KDM1B: variants seen among roughly 807,000 people sequenced by gnomAD.
KDM1B encodes lysine demethylase 1B, also known as lysine-specific histone demethylase 2.
In KDM1B, 63 loss-of-function variants were observed where a neutral mutation model predicts 107.4. The observed-to-expected ratio is 0.59, with a 90% CI of 0.48 to 0.72. KDM1B has a LOEUF of 0.72. Among genes scored for constraint, KDM1B ranks in the 30% least tolerant of loss-of-function variants. The probability of loss-of-function intolerance (pLI) is 0.00; values close to 1 mark genes in which losing one functional copy is unlikely to be tolerated. For missense variants in KDM1B, 749 were observed against 1,020.8 expected (o/e 0.73, Z 3.63); for synonymous variants, 363 against 363.9 (o/e 1.00, Z 0.03).
intron 7 of KDM1B, among the ~76,000 whole-genome samples, chr6:18,184,059 G>C (rs1049205277): frequency 1.3e-5 from 2 of 151,960 alleles, no homozygotes; most frequent in African/African-American, 4.8e-5. Context: ...TTTTCGCCAA[G>C]TACTCATTTA....
intron 6 of KDM1B, among the ~76,000 whole-genome samples, chr6:18,170,232 A>G (rs1031751719): frequency 4.6e-5 from 7 of 152,152 alleles, no homozygotes; most frequent in African/African-American, 9.7e-5. Flanking sequence ...TGAGTTGCTA[A>G]GATAGTACAG....
At chr6:18,187,168 A>AT (rs890251856) in intron 8 of KDM1B, among the ~76,000 whole-genome samples, 6 of 152,266 alleles carry the variant, frequency 3.9e-5, no homozygotes, top group African/African-American at 1.4e-4. Context: ...GAAGGCTCTG[A>AT]TTTGATGACT....
Position 18,197,800 on chromosome 6 carries a change from G to C in KDM1B, c.1221+139G>C. On this transcript the variant is annotated intron_variant, in intron 12 of 21. Transcript: ENST00000650836. The surrounding 1 kb of genome is among the most constrained non-coding windows in gnomAD (Gnocchi z 4.5). ...TATGTTTATATTAGGTCCTAGAAAA[G>C]TTATAAAACTTGAAATTGATTTCAT... 1 of 524,514 alleles carries C rather than the reference G, an allele frequency of 1.9e-6. No individual in the cohort carries two copies. The highest frequency in any genetic ancestry group is 3.4e-5 in the East Asian group (1 of 29,242). 32.5% of individuals were successfully genotyped at this position (524,514 alleles called of 1,614,324 possible). A position where few individuals can be genotyped will look rare whatever the true frequency, so the allele number is the denominator to read the frequency against.
rs201536368 is a variant in KDM1B at position 18,217,730 on chromosome 6, T to C, written c.2233-3T>C. 3.7e-6 allele frequency: 6 copies of C among 1,610,930 alleles called. No homozygotes were observed. The highest frequency in any genetic ancestry group is 3.3e-5 in the South Asian group (3 of 90,920). On this transcript the variant is annotated splice_polypyrimidine_tract_variant and splice_region_variant and intron_variant, in intron 20 of 21. Coordinates refer to ENST00000650836, the MANE Select transcript of KDM1B (RefSeq NM_001364614.2). Reference sequence around the variant, plus strand: ...CTTCATAATTCCTTTCTATTGGACATAGGAGGTCCCAGATCCCACAAAGTA... The same window carrying C: ...CTTCATAATTCCTTTCTATTGGACACAGGAGGTCCCAGATCCCACAAAGTA...
Position 18,212,681 on chromosome 6 carries a change from G to C in KDM1B, c.1983+77G>C. 1.1e-6 allele frequency: 1 copy of C among 900,218 alleles called. No individual in the cohort carries two copies. The highest frequency in any genetic ancestry group is 1.9e-6 in the Non-Finnish European group (1 of 531,714). 55.8% of individuals were successfully genotyped at this position (900,218 alleles called of 1,614,324 possible). ...AGATGTTAACTTCTGATATGGAGAA[G>C]TAGTGGGTACTATCTAAATACAAAT... is the stretch of plus-strand genomic sequence containing the variant. On this transcript the variant is annotated intron_variant, in intron 18 of 21. Coordinates refer to ENST00000650836, the MANE Select transcript of KDM1B (RefSeq NM_001364614.2). This position sits in a 1 kb window ranked among gnomAD's most constrained non-coding sequence, Gnocchi z 5.2.
At chr6:18,196,976 T>G in intron 10 of KDM1B, 81 bp from the exon 11 acceptor site, 2 of 1,296,034 alleles carry the variant, frequency 1.5e-6, no homozygotes, top group Non-Finnish European at 2.2e-6. Flanking sequence ...ACTTGTCTTT[T>G]AAATGGATTG....
rs1278507581 is a variant in KDM1B, at chr6:18,213,461, A to T, written c.1984-195A>T. 6.6e-6 allele frequency among the ~76,000 whole-genome samples: 1 copy of T among 151,906 alleles called. No individual in the cohort carries two copies. Among genetic ancestry groups the T allele is most frequent in the Non-Finnish European group, 1.5e-5 (1 of 67,926 alleles). ...CAAAAAAAAAAAAAACCCAAAAAAC[A>T]AAACAAAACAAAAAACAACCAAGGA... On this transcript the variant is annotated intron_variant, in intron 18 of 21. Transcript: ENST00000650836. The surrounding 1 kb of genome is among the most constrained non-coding windows in gnomAD (Gnocchi z 5.9).
chr6:18,164,117 A>G (rs1324210187), intron 5 of KDM1B, among the ~76,000 whole-genome samples: 1 of 151,974 alleles, frequency 6.6e-6, no homozygotes, highest in Non-Finnish European at 1.5e-5. Context: ...TCAGTTCTAT[A>G]TATTTTTACC....
intron 2 of KDM1B, among the ~76,000 whole-genome samples, chr6:18,157,660 TTA>T (rs1408823080): frequency 6.6e-6 from 1 of 151,326 alleles, no homozygotes; most frequent in Non-Finnish European, 1.5e-5. Flanking sequence ...CAGGTATATT[TTA>T]TATATAAATG....
At chr6:18,176,752 C>A (rs780741088) in intron 7 of KDM1B, among the ~76,000 whole-genome samples, 18 of 152,070 alleles carry the variant, frequency 1.2e-4, no homozygotes, top group Non-Finnish European at 2.2e-4. Flanking sequence ...TGTGGTATAT[C>A]ACATTTATTG....
intron 21 of KDM1B, 115 bp downstream of exon 21, chr6:18,218,000 C>T (rs1301149005): frequency 3.6e-6 from 4 of 1,108,332 alleles, no homozygotes; most frequent in African/African-American, 1.6e-5. Context: ...AGTCTTATGA[C>T]CACAGACAGC....
chr6:18,210,918 T>C (rs950097678), intron 17 of KDM1B, among the ~76,000 whole-genome samples: 2 of 152,150 alleles, frequency 1.3e-5, no homozygotes, highest in Non-Finnish European at 2.9e-5. Context: ...GAGGATCACT[T>C]GAGCACAGGA....
rs1348866180 is a variant in KDM1B at position 18,159,009 on chromosome 6, C to A, written c.-13-874C>A. Among the ~76,000 whole-genome samples, 5 of 152,106 alleles carry A rather than the reference C, an allele frequency of 3.3e-5. No homozygotes were observed. The highest frequency in any genetic ancestry group is 6.5e-5 in the Admixed American group (1 of 15,268). On this transcript the variant is annotated intron_variant, in intron 2 of 21. Transcript: ENST00000650836. The surrounding 1 kb of genome is among the most constrained non-coding windows in gnomAD (Gnocchi z 4.5). Reference sequence around the variant, plus strand: ...TTGAGATGGAGTCTTGCTCTGTTGCCCAGGCTGGAGTGCAGTAGCACAATC... The same window carrying A: ...TTGAGATGGAGTCTTGCTCTGTTGCACAGGCTGGAGTGCAGTAGCACAATC...
In KDM1B at chr6:18,222,046, CAT is replaced by C. The variant is rs762589719; in HGVS notation, c.*55_*56del. 6.8e-5 allele frequency: 100 copies of C among 1,474,044 alleles called. No homozygotes were observed. The highest frequency in any genetic ancestry group is 9.0e-5 in the Non-Finnish European group (95 of 1,052,462). 91.3% of individuals were successfully genotyped at this position (1,474,044 alleles called of 1,614,324 possible). A position where few individuals can be genotyped will look rare whatever the true frequency, so the allele number is the denominator to read the frequency against. Reference sequence around the variant, plus strand: ...ACCCCAGATGGGGAAATTTGAATCACATGTTAAACCTCAGTTTTATAAGAGGG... The same window carrying C: ...ACCCCAGATGGGGAAATTTGAATCACGTTAAACCTCAGTTTTATAAGAGGG... On this transcript the variant is annotated 3_prime_UTR_variant, in exon 22 of 22. Transcript: ENST00000650836.
At position 18,200,256 on chromosome 6, in the gene KDM1B, T is replaced by C. The variant is rs1787948190; in HGVS notation, c.1222-183T>C. 6.6e-6 allele frequency among the ~76,000 whole-genome samples: 1 copy of C among 152,240 alleles called. No individual in the cohort carries two copies. Among genetic ancestry groups the C allele is most frequent in the Non-Finnish European group, 1.5e-5 (1 of 68,046 alleles). ...TTTCCTCGCTAGAGTCTAGATGGAT[T>C]GTTTTGAACATCTATTTTGGCTTCT... On this transcript the variant is annotated intron_variant, in intron 12 of 21. Coordinates refer to ENST00000650836, the MANE Select transcript of KDM1B (RefSeq NM_001364614.2). This position sits in a 1 kb window ranked among gnomAD's most constrained non-coding sequence, Gnocchi z 4.3.
rs1561913417 is a variant in KDM1B at position 18,171,454 on chromosome 6, G to T, written c.509G>T (p.Gly170Val). 1 of 1,606,914 alleles carries T rather than the reference G, an allele frequency of 6.2e-7. No individual in the cohort carries two copies. The highest frequency in any genetic ancestry group is 1.7e-5 in the Admixed American group (1 of 60,004). The change falls in exon 7 of 22, where the codon GGT (glycine) becomes GTT (valine). Residue 170 changes from glycine (G) to valine (V), a missense_variant. Physicochemically the swap from Gly to Val is moderately radical, Grantham distance 109. Transcript: ENST00000650836. Reference protein sequence around the residue: ...TPQIAKTYRCGMKPNTAIKPE... With the variant: ...TPQIAKTYRCVMKPNTAIKPE... ...CAGATAGCCAAGACTTATCGATGCG[G>T]TATGAAACCAAATACTGCTATTAAG... is the stretch of plus-strand genomic sequence containing the variant.
Position 18,191,515 on chromosome 6 carries a change from A to G in KDM1B, c.969+134A>G, listed in dbSNP as rs542885780. ...GTGCCTCTGTTGACAATTTGGGCAG[A>G]TAATTCTTTGTGGTGGGGACTGTCT... On this transcript the variant is annotated intron_variant, in intron 10 of 21. Transcript: ENST00000650836. The surrounding 1 kb of genome is among the most constrained non-coding windows in gnomAD (Gnocchi z 5.1). The G allele has an allele frequency of 9.9e-7, 1 of 1,009,564 alleles. No homozygotes were observed. Among genetic ancestry groups the G allele is most frequent in the South Asian group, 1.7e-5 (1 of 57,478 alleles). The allele number at this position is 1,009,564 out of a possible 1,614,324, so 62.5% of individuals were successfully genotyped here.
Position 18,211,576 on chromosome 6 carries a change from C to T in KDM1B, c.1867-912C>T, listed in dbSNP as rs907835417. The stretch of plus-strand genomic sequence containing the variant: ...AGTAACCACAAGTCAAGAAGGAGGC[C>T]GTAAGGCATGCATGTTGCTGGTGCA... On this transcript the variant is annotated intron_variant, in intron 17 of 21. Transcript: ENST00000650836. This position sits in a 1 kb window ranked among gnomAD's most constrained non-coding sequence, Gnocchi z 5.2. 3.3e-5 allele frequency: 5 copies of T among 152,180 alleles called. No individual in the cohort carries two copies. Among genetic ancestry groups the T allele is most frequent in the African/African-American group, 4.8e-5 (2 of 41,408 alleles). 9.4% of individuals were successfully genotyped at this position (152,180 alleles called of 1,614,324 possible). A position where few individuals can be genotyped will look rare whatever the true frequency, so the allele number is the denominator to read the frequency against.
Position 18,212,453 on chromosome 6 carries a change from C to T in KDM1B, c.1867-35C>T. 1.6e-6 allele frequency: 2 copies of T among 1,238,330 alleles called. No individual in the cohort carries two copies. The highest frequency in any genetic ancestry group is 2.4e-6 in the Non-Finnish European group (2 of 837,226). 76.7% of individuals were successfully genotyped at this position (1,238,330 alleles called of 1,614,324 possible). A position where few individuals can be genotyped will look rare whatever the true frequency, so the allele number is the denominator to read the frequency against. On this transcript the variant is annotated intron_variant, in intron 17 of 21. Transcript: ENST00000650836. This position sits in a 1 kb window ranked among gnomAD's most constrained non-coding sequence, Gnocchi z 5.2. ...GTAGTGGTAGTGTGAGGTTCTGTTG[C>T]TGTTTGTTTGTTAACTGTTAATTAT...
Sources: gnomAD v4.1 joint callset for allele counts (sites outside exome capture counted in the v4.1 genomes callset) on GRCh38, gnomAD v4.1.1 for gene constraint, Gnocchi (gnomAD v3.1) non-coding constraint, MANE v1.5 for transcripts, NCBI Gene and HGNC (gene_info 2026-07-23, HGNC 2026-07-21) for gene names.